Variants in NRG1 observed in about 807,000 individuals in gnomAD.
The protein encoded by NRG1 is pro-neuregulin-1, membrane-bound isoform.
A neutral mutation model predicts 63.8 loss-of-function variants in NRG1; 18 were observed. That is an observed-to-expected ratio of 0.28 (90% CI 0.19 to 0.42). The LOEUF (loss-of-function observed/expected upper bound fraction) is 0.42. Ranked by LOEUF, NRG1 falls within the 10% of genes least tolerant of loss-of-function variation. The pLI is 1.00. For synonymous variants in NRG1, 302 were observed against 301.3 expected (o/e 1.00, Z -0.02); for missense variants, 762 against 814.7 (o/e 0.94, Z 0.79).
intron 1 of NRG1, among the ~76,000 whole-genome samples, chr8:31,973,956 TC>T (rs1178400727): frequency 2.0e-5 from 3 of 152,160 alleles, no homozygotes; most frequent in African/African-American, 7.2e-5. Flanking sequence ...AGAGTGAGAA[TC>T]ATGGGTGGGC....
At chr8:31,747,528 T>C (rs540920963) in intron 1 of NRG1, among the ~76,000 whole-genome samples, 5 of 152,116 alleles carry the variant, frequency 3.3e-5, no homozygotes, top group African/African-American at 1.2e-4. Flanking sequence ...GGTACCTGTT[T>C]TGTGTAATGT....
At chr8:32,606,209 C>T (rs1845253169) in intron 3 of NRG1, among the ~76,000 whole-genome samples, 1 of 149,190 alleles carries the variant, frequency 6.7e-6, no homozygotes, top group African/African-American at 2.5e-5. Context: ...AATATGCATA[C>T]ATATATAATA....
intron 1 of NRG1, among the ~76,000 whole-genome samples, chr8:32,315,956 CATAGAA>C (rs1257834733): frequency 6.6e-6 from 1 of 151,898 alleles, no homozygotes; most frequent in African/African-American, 2.4e-5. Context: ...CAGTGGAGTA[CATAGAA>C]AGGAACAGAA....
intron 1 of NRG1, among the ~76,000 whole-genome samples, chr8:31,828,801 A>G (rs1824830572): frequency 6.6e-6 from 1 of 152,198 alleles, no homozygotes; most frequent in African/African-American, 2.4e-5. Context: ...ATCTCCATAT[A>G]TTCTTCAAAC....
At chr8:31,755,101 C>T (rs1317406936) in intron 1 of NRG1, among the ~76,000 whole-genome samples, 4 of 152,102 alleles carry the variant, frequency 2.6e-5, no homozygotes, top group African/African-American at 9.7e-5. Flanking sequence ...CCAGCTCCTG[C>T]CCTGGACAGG....
rs376489930 is a variant in NRG1 at position 31,703,145 on chromosome 8, C to A, written c.37+63714C>A. Among the ~76,000 whole-genome samples, 15 of 149,502 alleles carry A rather than the reference C, an allele frequency of 1.0e-4. No individual in the cohort carries two copies. In the East Asian group the frequency reaches 1.6e-3, roughly 16 times the overall value. On this transcript the variant is annotated intron_variant, in intron 1 of 10. Coordinates refer to the NRG1 transcript ENST00000519301. The stretch of plus-strand genomic sequence containing the variant: ...GCTTAAATATAAATAGATCTAAGAA[C>A]CTTAGTTAAGACGAAAGGGTATAGC...
intron 1 of NRG1, among the ~76,000 whole-genome samples, chr8:31,833,104 G>A (rs1223635556): frequency 2.0e-5 from 3 of 152,050 alleles, no homozygotes; most frequent in Non-Finnish European, 2.9e-5. Flanking sequence ...GATAAGTGTG[G>A]AAACTGTTCA....
At chr8:31,972,448 A>G (rs1198126643) in intron 1 of NRG1, among the ~76,000 whole-genome samples, 2 of 152,098 alleles carry the variant, frequency 1.3e-5, no homozygotes, top group Admixed American at 6.5e-5. Flanking sequence ...AACTGTATCT[A>G]TTATCCTTTC....
intron 5 of NRG1, among the ~76,000 whole-genome samples, chr8:32,711,223 G>A (rs76194228): frequency 7.4e-6 from 1 of 135,748 alleles, no homozygotes; most frequent in Non-Finnish European, 1.6e-5. Flanking sequence ...TTCAGCCTCA[G>A]TTTTTTTTTT....
intron 7 of NRG1, among the ~76,000 whole-genome samples, chr8:32,753,446 A>G (rs1484942602): frequency 6.6e-6 from 1 of 152,222 alleles, no homozygotes; most frequent in Admixed American, 6.5e-5. Context: ...CAAAGTTCTA[A>G]GTGTCACATT....
intron 1 of NRG1, among the ~76,000 whole-genome samples, chr8:31,895,776 G>T (rs1831531049): frequency 6.6e-6 from 1 of 152,164 alleles, no homozygotes; most frequent in South Asian, 2.1e-4. Flanking sequence ...ATTTTGGTGG[G>T]TTCTGGGTTT....
At chr8:32,570,342 C>T (rs1838313669) in intron 1 of NRG1, among the ~76,000 whole-genome samples, 1 of 152,134 alleles carries the variant, frequency 6.6e-6, no homozygotes, top group Admixed American at 6.5e-5. Flanking sequence ...GTACCTAATA[C>T]ATTCTGTACA....
At chr8:32,674,751 G>T (rs1193025743) in intron 5 of NRG1, among the ~76,000 whole-genome samples, 1 of 152,096 alleles carries the variant, frequency 6.6e-6, no homozygotes, top group Admixed American at 6.6e-5. Context: ...AGAACAAATG[G>T]TATCATTTAG....
intron 1 of NRG1, among the ~76,000 whole-genome samples, chr8:32,460,235 C>G (rs572626784): frequency 6.6e-6 from 1 of 152,310 alleles, no homozygotes; most frequent in East Asian, 1.9e-4. Context: ...ATATGTCCAG[C>G]TTCTTGTGTG....
chr8:31,927,107 C>T (rs1332625859), intron 1 of NRG1, among the ~76,000 whole-genome samples: 1 of 152,068 alleles, frequency 6.6e-6, no homozygotes, highest in African/African-American at 2.4e-5. Flanking sequence ...TCCATATTAG[C>T]TCTATGAGGT....
chr8:32,542,646 G>T (rs1465000558), intron 1 of NRG1, among the ~76,000 whole-genome samples: 1 of 152,204 alleles, frequency 6.6e-6, no homozygotes, highest in African/African-American at 2.4e-5. Flanking sequence ...AGCTATGCAG[G>T]CATGGTGCAA....
chr8:32,374,760 G>A lies in NRG1; in HGVS notation c.38-221068G>A, dbSNP rs146237521. Among the ~76,000 whole-genome samples, 608 of 152,204 alleles carry A rather than the reference G, an allele frequency of 4.0e-3. 4 individuals carry two copies. Among genetic ancestry groups the A allele is most frequent in the Non-Finnish European group, 6.4e-3 (435 of 68,018 alleles). On this transcript the variant is annotated intron_variant, in intron 1 of 10. Coordinates refer to the NRG1 transcript ENST00000519301. ...AAATTATGTTTATTGAATGGTTAAG[G>A]CATTGTTTTTTTATCATAAGCTATA... is the stretch of plus-strand genomic sequence containing the variant.
rs867205685 is a variant in NRG1, at chr8:31,934,157, G to A, written c.37+294726G>A. On this transcript the variant is annotated intron_variant, in intron 1 of 10. Transcript: ENST00000519301. ...TAAAAGCTGAGAACCACCTTAGTCT[G>A]GGGCATTAAAATTTTAGTAAACTTT... Among the ~76,000 whole-genome samples, 11 of 152,208 alleles carry A rather than the reference G, an allele frequency of 7.2e-5. No individual in the cohort carries two copies. The Middle Eastern group carries it at 0.014, about 188-fold the overall frequency.
intron 1 of NRG1, among the ~76,000 whole-genome samples, chr8:32,217,794 T>C (rs1845397847): frequency 6.6e-6 from 1 of 152,210 alleles, no homozygotes; most frequent in Non-Finnish European, 1.5e-5. Context: ...TCTAGACATC[T>C]GGTATACATC....
Sources: allele counts gnomAD v4.1 joint callset (sites outside exome capture counted in the v4.1 genomes callset), GRCh38; gene constraint gnomAD v4.1.1; transcripts MANE v1.5; gene names NCBI Gene and HGNC (gene_info 2026-07-23, HGNC 2026-07-21).